Variants in MSRA observed in about 807,000 individuals in gnomAD.
The protein encoded by MSRA is mitochondrial peptide methionine sulfoxide reductase.
A neutral mutation model predicts 31.3 loss-of-function variants in MSRA; 54 were observed. That is an observed-to-expected ratio of 1.73 (90% CI 1.39 to 2.17). The LOEUF is 2.17. MSRA is among the 30% of genes most tolerant of loss of function. The pLI is 0.00. For missense variants in MSRA, 507 were observed against 300.9 expected, an observed-to-expected ratio of 1.69 and a Z score of -5.07; for synonymous variants, 169 against 116.5, an observed-to-expected ratio of 1.45 and a Z score of -2.90.
chr8:10,174,534 C>G (rs1255724248), intron 1 of MSRA, among the ~76,000 whole-genome samples: 4 of 152,120 alleles, frequency 2.6e-5, no homozygotes, highest in African/African-American at 9.7e-5. Context: ...CTCACCTCCC[C>G]TCTGTGAGCT....
At chr8:10,262,829 G>A (rs1334046721) in intron 3 of MSRA, among the ~76,000 whole-genome samples, 1 of 152,208 alleles carries the variant, frequency 6.6e-6, no homozygotes, top group Non-Finnish European at 1.5e-5. Context: ...TTGCATGCCC[G>A]AATGTTGGCA....
intron 5 of MSRA, among the ~76,000 whole-genome samples, chr8:10,325,551 G>C (rs1174258539): frequency 6.6e-6 from 1 of 152,072 alleles, no homozygotes; most frequent in African/African-American, 2.4e-5. Flanking sequence ...GTATTTATGA[G>C]GCCCTTTTAA....
chr8:10,418,310 C>G (rs1424088821), intron 5 of MSRA, among the ~76,000 whole-genome samples: 1 of 152,096 alleles, frequency 6.6e-6, no homozygotes, highest in African/African-American at 2.4e-5. Flanking sequence ...TTCCCTTTAG[C>G]AAGCACAGCC....
intron 2 of MSRA, among the ~76,000 whole-genome samples, chr8:10,240,900 C>T (rs374311923): frequency 1.3e-5 from 2 of 152,056 alleles, no homozygotes; most frequent in African/African-American, 4.8e-5. Flanking sequence ...GATCGCCACA[C>T]AGCCGTAGGT....
At chr8:10,201,309 G>T (rs760060431) in intron 1 of MSRA, among the ~76,000 whole-genome samples, 2 of 152,114 alleles carry the variant, frequency 1.3e-5, no homozygotes, top group African/African-American at 2.4e-5. Flanking sequence ...AACATGACCC[G>T]ATGAGATTGT....
chr8:10,198,059 A>C (rs770134092), intron 1 of MSRA, among the ~76,000 whole-genome samples: 1 of 152,046 alleles, frequency 6.6e-6, no homozygotes, highest in African/African-American at 2.4e-5. Context: ...GTATTTTACA[A>C]CTTCCAAAAT....
At chr8:10,385,528 A>G (rs950274602) in intron 5 of MSRA, among the ~76,000 whole-genome samples, 16 of 152,116 alleles carry the variant, frequency 1.1e-4, no homozygotes, top group African/African-American at 2.9e-4. Context: ...GACCTTGACA[A>G]TTGGGGCAGG....
At chr8:10,057,822 C>G (rs921431587) in intron 1 of MSRA, among the ~76,000 whole-genome samples, 1 of 152,200 alleles carries the variant, frequency 6.6e-6, no homozygotes, top group Non-Finnish European at 1.5e-5. Flanking sequence ...GCTTTCTGTA[C>G]AGGCTGTGAA....
chr8:10,203,950 A>C (rs1808724184), intron 1 of MSRA, among the ~76,000 whole-genome samples: 1 of 151,890 alleles, frequency 6.6e-6, no homozygotes, highest in African/African-American at 2.4e-5. Context: ...TTTCAACAGA[A>C]AATTTAAAAA....
At chr8:10,173,739 C>G (rs148254722) in intron 1 of MSRA, among the ~76,000 whole-genome samples, 56 of 152,346 alleles carry the variant, frequency 3.7e-4, no homozygotes, top group African/African-American at 1.2e-3. Context: ...TTCTTTGTCA[C>G]TGTTTTCTTG....
At chr8:10,098,236 C>T (rs1265939597) in intron 1 of MSRA, among the ~76,000 whole-genome samples, 4 of 151,848 alleles carry the variant, frequency 2.6e-5, no homozygotes, top group Non-Finnish European at 2.9e-5. Context: ...GTAAATGAAC[C>T]CTATCTCACC....
intron 5 of MSRA, among the ~76,000 whole-genome samples, chr8:10,336,307 A>G (rs1345597310): frequency 6.6e-6 from 1 of 152,214 alleles, no homozygotes; most frequent in Non-Finnish European, 1.5e-5. Context: ...TTATTATGCC[A>G]GAGACACTTG....
rs916698531 is a variant in MSRA at position 10,348,623 on chromosome 8, C to G, written c.543+28634C>G. ...GACCTCGTGATCCGCCTGCCTCGGC[C>G]TCCCAAAGTGCTGGGATTACAGGTG... On this transcript the variant is annotated intron_variant, in intron 5 of 5. Transcript: ENST00000317173. Among the ~76,000 whole-genome samples, 3 of 152,236 alleles carry G rather than the reference C, an allele frequency of 2.0e-5. No homozygotes were observed. In the East Asian group the frequency reaches 5.8e-4, roughly 29 times the overall value.
At chr8:10,088,349 A>T (rs572493067) in intron 1 of MSRA, among the ~76,000 whole-genome samples, 26 of 152,324 alleles carry the variant, frequency 1.7e-4, no homozygotes, top group Non-Finnish European at 3.1e-4. Flanking sequence ...GCTAAAGGAG[A>T]TGAAATCATT....
At chr8:10,293,464 C>T (rs1315576008) in intron 3 of MSRA, among the ~76,000 whole-genome samples, 4 of 152,236 alleles carry the variant, frequency 2.6e-5, no homozygotes, top group Non-Finnish European at 4.4e-5. Flanking sequence ...GACTGCTTAG[C>T]GCCCACCAAT....
chr8:10,335,918 C>T (rs768713795), intron 5 of MSRA, among the ~76,000 whole-genome samples: 1 of 152,144 alleles, frequency 6.6e-6, no homozygotes, highest in Non-Finnish European at 1.5e-5. Context: ...CCACATGATA[C>T]GTACATGGGG....
intron 5 of MSRA, among the ~76,000 whole-genome samples, chr8:10,338,910 A>G (rs1306016660): frequency 6.6e-6 from 1 of 152,244 alleles, no homozygotes. Flanking sequence ...GTTATAATCC[A>G]GAAAATGCTC....
chr8:10,385,183 T>A (rs1424981480), intron 5 of MSRA, among the ~76,000 whole-genome samples: 2 of 152,056 alleles, frequency 1.3e-5, no homozygotes, highest in African/African-American at 4.8e-5. Flanking sequence ...AGGGGGATTG[T>A]GGCTAAAGTG....
intron 1 of MSRA, among the ~76,000 whole-genome samples, chr8:10,118,386 G>T (rs1800840791): frequency 6.6e-6 from 1 of 152,046 alleles, no homozygotes. Flanking sequence ...ATGTGCAAAG[G>T]CCCCATGACA....
Sources: allele counts gnomAD v4.1 joint callset (sites outside exome capture counted in the v4.1 genomes callset), GRCh38; gene constraint gnomAD v4.1.1; transcripts MANE v1.5; gene names NCBI Gene and HGNC (gene_info 2026-07-23, HGNC 2026-07-21).